Variants in LOXHD1 observed in about 807,000 individuals in gnomAD.
The protein encoded by LOXHD1 is lipoxygenase homology PLAT domains 1.
In LOXHD1, 205 loss-of-function variants were observed where a neutral mutation model predicts 248.2. The observed-to-expected ratio is 0.83, with a 90% CI of 0.74 to 0.93. The LOEUF (loss-of-function observed/expected upper bound fraction) is 0.93, where lower values mean the gene tolerates loss of function less well. Ranked by LOEUF, LOXHD1 falls within the 40% of genes least tolerant of loss-of-function variation. LOXHD1 has a pLI of 0.00. For missense variants in LOXHD1, 2,930 were observed against 2,971.6 expected, an observed-to-expected ratio of 0.99 and a Z score of 0.33; for synonymous variants, 1,113 against 1,162.8, an observed-to-expected ratio of 0.96 and a Z score of 0.87.
chr18:46,559,194 A>G (rs1446301177), intron 20 of LOXHD1: 1 of 1,458,330 alleles, frequency 6.9e-7, no homozygotes, highest in African/African-American at 1.4e-5. Flanking sequence ...TCTGCCACTC[A>G]ACGCCATTCT....
chr18:46,538,447 G>T, intron 25 of LOXHD1, 110 bp from the exon 26 acceptor site: 2 of 1,088,448 alleles, frequency 1.8e-6, no homozygotes. Context: ...TTGCACTGGG[G>T]AACTGCTGCC....
chr18:46,591,928 C>G lies in LOXHD1; in HGVS notation c.1654+5G>C. 6.4e-7 allele frequency: 1 copy of G among 1,551,736 alleles called. No homozygotes were observed. Among genetic ancestry groups the G allele is most frequent in the Non-Finnish European group, 8.7e-7 (1 of 1,146,952 alleles). ...TCCCAGGATGGAGAGCCTGTCAGTA[C>G]TTACTGCCCATGATCCTGCGCACTG... On this transcript the variant is annotated splice_donor_5th_base_variant and intron_variant, in intron 12 of 40. Coordinates refer to ENST00000642948, the MANE Select transcript of LOXHD1 (RefSeq NM_001384474.1).
intron 38 of LOXHD1, 117 bp downstream of exon 38, chr18:46,488,855 A>G: frequency 9.0e-7 from 1 of 1,106,376 alleles, no homozygotes. Context: ...TTCCTCATGC[A>G]TATCTCCATA....
chr18:46,546,969 A>G lies in LOXHD1; in HGVS notation c.3440T>C (p.Val1147Ala), dbSNP rs2036871694. The G allele has an allele frequency of 1.3e-6, 2 of 1,551,764 alleles. No homozygotes were observed. Among genetic ancestry groups the G allele is most frequent in the Non-Finnish European group, 1.7e-6 (2 of 1,146,998 alleles). ...CCTACCCTCCTCGCTCTGTGGCAGCACATAGGACTCATCCACTGGCAACAG... is the reference window on the plus strand; with the variant it reads ...CCTACCCTCCTCGCTCTGTGGCAGCGCATAGGACTCATCCACTGGCAACAG... ...RELLPVDESY[V>A]LPQSEEGRGG... The change falls in exon 22 of 41, where the codon GTG (valine) becomes GCG (alanine). Residue 1147 changes from valine to alanine, a missense_variant. By Grantham distance (64) the Val-to-Ala change is moderately conservative. Transcript: ENST00000642948.
chr18:46,529,332 C>T lies in LOXHD1; in HGVS notation c.4376-1G>A, dbSNP rs1017941933. 2 of 1,536,104 alleles carry T rather than the reference C, an allele frequency of 1.3e-6. No homozygotes were observed. Among genetic ancestry groups the T allele is most frequent in the African/African-American group, 2.7e-5 (2 of 72,780 alleles). On this transcript the variant is annotated splice_acceptor_variant, in intron 28 of 40. Coordinates refer to ENST00000642948, the MANE Select transcript of LOXHD1 (RefSeq NM_001384474.1). LOFTEE classifies it high-confidence loss of function. ...AAGATCTGCACCGAGTACAGCACAA[C>T]TGGGCAGGTGGTGGGACAGACAGAC...
intron 12 of LOXHD1, among the ~76,000 whole-genome samples, chr18:46,583,846 CA>C (rs71162810): frequency 0.074 from 11,121 of 150,356 alleles, 477 homozygotes; most frequent in Non-Finnish European, 0.1. Context: ...GGTATATATC[CA>C]AAAAAAAAAA....
Position 46,569,608 on chromosome 18 carries a change from C to T in LOXHD1, c.2078G>A (p.Gly693Glu). The T allele has an allele frequency of 1.3e-6, 2 of 1,551,526 alleles. No homozygotes were observed. The highest frequency in any genetic ancestry group is 1.7e-6 in the Non-Finnish European group (2 of 1,146,842). Reference sequence around the variant, plus strand: ...ATCCGTGCTGGCCCCAGAGACATCCCCAGTCTTCAAGCTGATGTGATAGCG... The same window carrying T: ...ATCCGTGCTGGCCCCAGAGACATCCTCAGTCTTCAAGCTGATGTGATAGCG... The part of the protein sequence containing the change: ...NFRYHISLKT[G>E]DVSGASTDSR... The change falls in exon 16 of 41, where the codon GGG becomes GAG. Residue 693 changes from glycine (G) to glutamate (E), a missense_variant. By Grantham distance (98) the Gly-to-Glu change is moderately conservative. Transcript: ENST00000642948.
intron 15 of LOXHD1, 50 bp downstream of exon 15, chr18:46,572,036 C>A (rs1252993521): frequency 6.8e-7 from 1 of 1,480,108 alleles, no homozygotes; most frequent in African/African-American, 1.4e-5. Flanking sequence ...GAGGGAAGGC[C>A]CCTGTCTCAC....
At chr18:46,533,615 G>A in intron 27 of LOXHD1, 3 of 374,206 alleles carry the variant, frequency 8.0e-6, no homozygotes, top group South Asian at 5.7e-5. Context: ...GGAGGGGGGT[G>A]CTCTGTATTT....
intron 6 of LOXHD1, among the ~76,000 whole-genome samples, chr18:46,608,673 C>A (rs2038459207): frequency 1.3e-5 from 2 of 152,162 alleles, no homozygotes; most frequent in Non-Finnish European, 2.9e-5. Flanking sequence ...GACTCACACC[C>A]TATTTCTTCT....
chr18:46,561,447 G>C (rs946266438), intron 18 of LOXHD1, among the ~76,000 whole-genome samples: 2 of 152,160 alleles, frequency 1.3e-5, no homozygotes, highest in Non-Finnish European at 2.9e-5. Flanking sequence ...GGTCTGGTCC[G>C]TCCCCTGCAG....
intron 21 of LOXHD1, among the ~76,000 whole-genome samples, chr18:46,549,979 T>C (rs932315722): frequency 1.3e-5 from 2 of 152,240 alleles, no homozygotes; most frequent in Non-Finnish European, 2.9e-5. Context: ...TTAGACTTTA[T>C]TGCAGATCTT....
intron 22 of LOXHD1, among the ~76,000 whole-genome samples, chr18:46,545,907 G>A (rs2036799146): frequency 6.6e-6 from 1 of 150,812 alleles, no homozygotes; most frequent in East Asian, 2.0e-4. Flanking sequence ...GGGATTACAG[G>A]CGTGAGCCAC....
intron 14 of LOXHD1, among the ~76,000 whole-genome samples, chr18:46,576,989 C>T (rs1457718245): frequency 6.6e-6 from 1 of 152,186 alleles, no homozygotes; most frequent in African/African-American, 2.4e-5. Context: ...CCTGGACCAG[C>T]CCTAATAAAG....
In LOXHD1 at chr18:46,572,212, A is replaced by T. The variant is rs1202770959; in HGVS notation, c.1971-50T>A. On this transcript the variant is annotated intron_variant, in intron 14 of 40. Coordinates refer to ENST00000642948, the MANE Select transcript of LOXHD1 (RefSeq NM_001384474.1). ...AGCTCTTTGGGTGGAGCAGGCAGACAATCAAAGCTTCACCCATTCATGCAG... is the reference window on the plus strand; with the variant it reads ...AGCTCTTTGGGTGGAGCAGGCAGACTATCAAAGCTTCACCCATTCATGCAG... The T allele has an allele frequency of 2.0e-6, 3 of 1,485,474 alleles. No individual in the cohort carries two copies. The Admixed American group carries it at 5.9e-5, about 29-fold the overall frequency. The allele number at this position is 1,485,474 out of a possible 1,614,324, so 92.0% of individuals were successfully genotyped here.
At position 46,557,382 on chromosome 18, in the gene LOXHD1, G is replaced by A. The variant is rs1310411519; in HGVS notation, c.3324C>T (p.Asp1108=). ...NRAGWFLDRI[D]ITDMNNEITY... The stretch of plus-strand genomic sequence containing the variant: ...TGATCTCGTTGTTCATGTCAGTAAT[G>A]TCTATTCTGTCCAGGAACCAGCCTG... Residue 1108 remains aspartate (D), a synonymous_variant, in exon 21 of 41, where the codon GAC becomes GAT. Transcript: ENST00000642948. The A allele has an allele frequency of 6.4e-7, 1 of 1,552,336 alleles. No homozygotes were observed. The highest frequency in any genetic ancestry group is 1.2e-5 in the South Asian group (1 of 84,050).
chr18:46,634,817 T>C (rs1486041636), intron 4 of LOXHD1, among the ~76,000 whole-genome samples: 1 of 152,158 alleles, frequency 6.6e-6, no homozygotes, highest in African/African-American at 2.4e-5. Flanking sequence ...TAGTGTTTAA[T>C]GGGCACAGTT....
At chr18:46,595,407 C>T (rs776393020) in intron 8 of LOXHD1, among the ~76,000 whole-genome samples, 1 of 152,156 alleles carries the variant, frequency 6.6e-6, no homozygotes, top group Non-Finnish European at 1.5e-5. Context: ...CAGGCAGTAG[C>T]CCCCTCAAAC....
At chr18:46,597,929 ATT>A (rs10711303) in intron 8 of LOXHD1, among the ~76,000 whole-genome samples, 3,488 of 140,188 alleles carry the variant, frequency 0.025, 75 homozygotes, top group African/African-American at 0.054. Context: ...AATTTTTTGC[ATT>A]TTTTTTTTTT....
Sources: gnomAD v4.1 joint callset for allele counts (sites outside exome capture counted in the v4.1 genomes callset) on GRCh38, gnomAD v4.1.1 for gene constraint, MANE v1.5 for transcripts, NCBI Gene and HGNC (gene_info 2026-07-23, HGNC 2026-07-21) for gene names.